MAN1A1: variants seen among roughly 807,000 people sequenced by gnomAD.
MAN1A1 encodes the protein mannosyl-oligosaccharide 1,2-alpha-mannosidase IA.
In MAN1A1, 29 loss-of-function variants were observed where a neutral mutation model predicts 70.8. That is an observed-to-expected ratio of 0.41 (90% CI 0.31 to 0.56). The LOEUF is 0.56. MAN1A1 is among the 20% of genes least tolerant of loss of function. The pLI, the probability that MAN1A1 is intolerant of heterozygous loss-of-function variation, is 0.29. For synonymous variants in MAN1A1, 349 were observed against 330.1 expected (o/e 1.06, Z -0.62); for missense variants, 747 against 841.3 (o/e 0.89, Z 1.39).
intron 5 of MAN1A1, among the ~76,000 whole-genome samples, chr6:119,259,519 C>T (rs1295592953): frequency 6.6e-6 from 1 of 152,120 alleles, no homozygotes; most frequent in Non-Finnish European, 1.5e-5. Context: ...TAAACCTATC[C>T]AGTACACACC....
rs1000517074 is a variant in MAN1A1, at chr6:119,201,120, T to TTTA, written c.1210+131_1210+133dup. On this transcript the variant is annotated intron_variant, in intron 8 of 12. Transcript: ENST00000368468. Reference sequence around the variant, plus strand: ...AACACAATCTGATGACAGAAGCCTGTTTATTAAAGGAGCCATGCCCTTTTC... The same window carrying TTTA: ...AACACAATCTGATGACAGAAGCCTGTTTATTATTAAAGGAGCCATGCCCTTTTC... 56 of 655,304 alleles carry TTTA rather than the reference T, an allele frequency of 8.5e-5. No individual in the cohort carries two copies. The African/African-American group carries it at 9.3e-4, about 11-fold the overall frequency. 40.6% of individuals were successfully genotyped at this position (655,304 alleles called of 1,614,324 possible). A position where few individuals can be genotyped will look rare whatever the true frequency, so the allele number is the denominator to read the frequency against.
chr6:119,348,469 G>C lies in MAN1A1; in HGVS notation c.597C>G (p.Ile199Met). The change falls in exon 2 of 13, where the codon ATC (isoleucine) becomes ATG (methionine). Residue 199 changes from isoleucine to methionine, a missense_variant. Ile to Met is a conservative substitution (Grantham distance 10). This residue lies in a region of MAN1A1 where 328 missense variants were observed against 293.1 expected (regional missense o/e 1.12). Transcript: ENST00000368468. Reference protein sequence around the residue: ...DAAIREKRAKIKEMMKHAWNN... With the variant: ...DAAIREKRAKMKEMMKHAWNN... ...TCTGGCGCGGCCCACTCACCTCTTTGATCTTTGCCCTTTTCTCGCGGATGG... is the reference window on the plus strand; with the variant it reads ...TCTGGCGCGGCCCACTCACCTCTTTCATCTTTGCCCTTTTCTCGCGGATGG... The C allele has an allele frequency of 6.2e-7, 1 of 1,602,192 alleles. No homozygotes were observed. Among genetic ancestry groups the C allele is most frequent in the South Asian group, 1.1e-5 (1 of 89,656 alleles).
At chr6:119,345,473 T>C (rs1481816092) in intron 2 of MAN1A1, among the ~76,000 whole-genome samples, 4 of 152,214 alleles carry the variant, frequency 2.6e-5, no homozygotes, top group East Asian at 1.9e-4. Context: ...TAATTCTATT[T>C]TGAAGTTTTA....
intron 8 of MAN1A1, among the ~76,000 whole-genome samples, chr6:119,198,034 G>T (rs1341430490): frequency 6.6e-6 from 1 of 152,192 alleles, no homozygotes; most frequent in African/African-American, 2.4e-5. Context: ...AATGTGTGGT[G>T]AGGAATACTC....
At chr6:119,238,624 G>A (rs962104379) in intron 6 of MAN1A1, among the ~76,000 whole-genome samples, 2 of 152,126 alleles carry the variant, frequency 1.3e-5, no homozygotes, top group African/African-American at 4.8e-5. Context: ...TACTTGATCA[G>A]TTTTGAAAGT....
chr6:119,319,087 T>C (rs1232239639), intron 2 of MAN1A1, among the ~76,000 whole-genome samples: 1 of 152,192 alleles, frequency 6.6e-6, no homozygotes, highest in Non-Finnish European at 1.5e-5. Flanking sequence ...TGGTTTCATC[T>C]AGACTTCTAC....
At chr6:119,243,664 C>A (rs1435076289) in intron 6 of MAN1A1, among the ~76,000 whole-genome samples, 4 of 151,936 alleles carry the variant, frequency 2.6e-5, no homozygotes, top group Non-Finnish European at 5.9e-5. Context: ...TAATTAAAGC[C>A]CTATTTCAGT....
intron 5 of MAN1A1, among the ~76,000 whole-genome samples, chr6:119,289,661 T>C (rs1776479792): frequency 6.6e-6 from 1 of 151,968 alleles, no homozygotes; most frequent in African/African-American, 2.4e-5. Context: ...AAGTCATCTA[T>C]ATACTTTGAA....
At chr6:119,283,940 CGAA>C (rs1776287135) in intron 5 of MAN1A1, among the ~76,000 whole-genome samples, 1 of 152,066 alleles carries the variant, frequency 6.6e-6, no homozygotes, top group African/African-American at 2.4e-5. Flanking sequence ...GCTGGCAGTA[CGAA>C]GGTCAGTTGG....
intron 2 of MAN1A1, among the ~76,000 whole-genome samples, chr6:119,339,552 G>A (rs574053883): frequency 2.3e-4 from 35 of 151,972 alleles, no homozygotes; most frequent in Admixed American, 1.9e-3. Flanking sequence ...GGGTTAGGGA[G>A]GAGCATCATT....
At chr6:119,284,864 A>C (rs188184884) in intron 5 of MAN1A1, among the ~76,000 whole-genome samples, 1 of 152,312 alleles carries the variant, frequency 6.6e-6, no homozygotes, top group East Asian at 1.9e-4. Flanking sequence ...CATTGTCTAC[A>C]GCATATGAAA....
intron 6 of MAN1A1, chr6:119,210,857 T>A (rs971837244): frequency 2.2e-6 from 1 of 453,688 alleles, no homozygotes; most frequent in African/African-American, 2.0e-5. Context: ...GAGCTATTTC[T>A]CTTTCCAGTG....
At chr6:119,193,313 A>C (rs114092097) in intron 9 of MAN1A1, among the ~76,000 whole-genome samples, 1 of 152,164 alleles carries the variant, frequency 6.6e-6, no homozygotes, top group African/African-American at 2.4e-5. Context: ...TCTTCCCTGA[A>C]ATATGAGTTT....
intron 4 of MAN1A1, among the ~76,000 whole-genome samples, chr6:119,299,209 AAACTTCAC>A (rs1403829990): frequency 6.6e-6 from 1 of 152,138 alleles, no homozygotes; most frequent in Middle Eastern, 3.3e-3. Context: ...GTAAGCTGGA[AAACTTCAC>A]AATGTAATGA....
chr6:119,325,846 T>C (rs900399845), intron 2 of MAN1A1, among the ~76,000 whole-genome samples: 1 of 152,234 alleles, frequency 6.6e-6, no homozygotes, highest in Non-Finnish European at 1.5e-5. Context: ...TACAGCATGT[T>C]TGCTTGCCTT....
At chr6:119,229,548 T>C (rs1774617564) in intron 6 of MAN1A1, among the ~76,000 whole-genome samples, 1 of 152,222 alleles carries the variant, frequency 6.6e-6, no homozygotes, top group African/African-American at 2.4e-5. Context: ...AATATGTAGG[T>C]ATATATTTCA....
intron 5 of MAN1A1, among the ~76,000 whole-genome samples, chr6:119,287,841 T>C (rs1262568633): frequency 6.6e-6 from 1 of 152,002 alleles, no homozygotes; most frequent in African/African-American, 2.4e-5. Context: ...CAGTGCTACC[T>C]TTTAAATTTA....
chr6:119,285,136 A>ACTTTTTTTTCTTTT (rs1238135022), intron 5 of MAN1A1, among the ~76,000 whole-genome samples: 1 of 76,192 alleles, frequency 1.3e-5, no homozygotes. Context: ...GAGGTAGCAG[A>ACTTTTTTTTCTTTT]CTTTTTTTTT....
intron 6 of MAN1A1, among the ~76,000 whole-genome samples, chr6:119,213,498 C>A (rs1228959046): frequency 6.6e-6 from 1 of 152,122 alleles, no homozygotes; most frequent in Non-Finnish European, 1.5e-5. Flanking sequence ...ATCTTTTCAA[C>A]AGAACATAAA....
Sources: allele counts gnomAD v4.1 joint callset (sites outside exome capture counted in the v4.1 genomes callset), GRCh38; gene constraint gnomAD v4.1.1; regional missense constraint gnomAD v4.1.1; transcripts MANE v1.5; gene names NCBI Gene and HGNC (gene_info 2026-07-23, HGNC 2026-07-21).